Variants in LRATD1 observed in about 807,000 individuals in gnomAD.
LRATD1 encodes LRAT domain containing 1, also known as protein LRATD1.
In LRATD1, 8 loss-of-function variants were observed where a neutral mutation model predicts 21.3. The observed-to-expected ratio is 0.38, with a 90% CI of 0.22 to 0.68. LRATD1 has a LOEUF of 0.68. Among genes scored for constraint, LRATD1 ranks in the 30% least tolerant of loss-of-function variants. The pLI is 0.54. For missense variants in LRATD1, 380 were observed against 404.0 expected, an observed-to-expected ratio of 0.94 and a Z score of 0.51; for synonymous variants, 210 against 186.2, an observed-to-expected ratio of 1.13 and a Z score of -1.04.
chr2:14,634,798 C>G lies in LRATD1; in HGVS notation c.819C>G (p.Asp273Glu), dbSNP rs1235053312. ...TCATCCGCGAGAAGCGCCGTATCGA[C>G]GCCAGCGGCCGCCTGCGAGTGCTCC... ...EDLIREKRRI[D>E]ASGRLRVLQE... The change falls in exon 2 of 2, where the codon GAC (aspartate) becomes GAG (glutamate). Residue 273 changes from aspartate (D) to glutamate (E), a missense_variant. Asp to Glu is a conservative substitution (Grantham distance 45). Transcript: ENST00000295092. The G allele has an allele frequency of 1.2e-6, 2 of 1,605,996 alleles. No homozygotes were observed. Among genetic ancestry groups the G allele is most frequent in the Non-Finnish European group, 1.7e-6 (2 of 1,175,468 alleles).
Position 14,647,102 on chromosome 2 carries a change from C to A in LRATD1, n.436+637C>A, listed in dbSNP as rs537705478. 6.8e-4 allele frequency among the ~76,000 whole-genome samples: 103 copies of A among 152,226 alleles called. 1 individual carries two copies. The highest frequency in any genetic ancestry group is 1.3e-3 in the Non-Finnish European group (86 of 68,034). ...TTTAACAGGAGACTATGAACCCTAA[C>A]TCACAATGTTAGGATGAAGCTGACT... On this transcript the variant is annotated intron_variant and non_coding_transcript_variant, in intron 4 of 5. Coordinates refer to the LRATD1 transcript ENST00000464947.
Position 14,633,904 on chromosome 2 carries a change from C to A in LRATD1, c.-36-40C>A. ...GGGAGGGACACCGAAAGGGGCAGCC[C>A]GGACTCTGACGGTGTCTCTGCCTCT... On this transcript the variant is annotated intron_variant, in intron 1 of 1. Coordinates refer to ENST00000295092, the MANE Select transcript of LRATD1 (RefSeq NM_145175.4). This position sits in a 1 kb window ranked among gnomAD's most constrained non-coding sequence, Gnocchi z 7.5. 1 of 1,523,016 alleles carries A rather than the reference C, an allele frequency of 6.6e-7. No homozygotes were observed. The highest frequency in any genetic ancestry group is 8.9e-7 in the Non-Finnish European group (1 of 1,128,068). 94.3% of individuals were successfully genotyped at this position (1,523,016 alleles called of 1,614,324 possible).
At chr2:14,649,558 C>T (rs1393034712) in exon 6 of LRATD1, 5 of 346,846 alleles carry the variant, frequency 1.4e-5, no homozygotes, top group African/African-American at 1.1e-4. Context: ...AGCACGGGAG[C>T]ATAGGCTAAT....
At position 14,635,353 on chromosome 2, in the gene LRATD1, C is replaced by A. The variant is rs566255791; in HGVS notation, c.*495C>A. Reference sequence around the variant, plus strand: ...CCTCTGTGGATGCGTCCCCAGATCGCAGGATTTCCAAGAAATCGAGCCTGT... The same window carrying A: ...CCTCTGTGGATGCGTCCCCAGATCGAAGGATTTCCAAGAAATCGAGCCTGT... On this transcript the variant is annotated 3_prime_UTR_variant, in exon 2 of 2. Transcript: ENST00000295092. The A allele has an allele frequency of 4.2e-6, 2 of 475,726 alleles. No homozygotes were observed. The highest frequency in any genetic ancestry group is 3.1e-5 in the South Asian group (2 of 64,620). The allele number at this position is 475,726 out of a possible 1,614,324, so 29.5% of individuals were successfully genotyped here.
At position 14,638,786 on chromosome 2, in the gene LRATD1, GA is replaced by G. The variant is rs973461569; in HGVS notation, c.*3930del. The G allele has an allele frequency of 6.0e-6, 1 of 166,960 alleles. No homozygotes were observed. The highest frequency in any genetic ancestry group is 2.4e-5 in the African/African-American group (1 of 41,438). 10.3% of individuals were successfully genotyped at this position (166,960 alleles called of 1,614,324 possible). On this transcript the variant is annotated 3_prime_UTR_variant, in exon 2 of 2. Coordinates refer to ENST00000295092, the MANE Select transcript of LRATD1 (RefSeq NM_145175.4). ...CTTCTCTTTTTTGAACAAATGAAGA[GA>G]ATCCAGTTAGTTTTTGCCTTTCAGA... is the stretch of plus-strand genomic sequence containing the variant.
At chr2:14,643,735 A>C (rs1473408548), downstream of LRATD1, among the ~76,000 whole-genome samples, 3 of 152,166 alleles carry the variant, frequency 2.0e-5, no homozygotes, top group Non-Finnish European at 1.5e-5. Flanking sequence ...GGCCAAATTC[A>C]TCCTCTCCCA....
downstream of LRATD1, among the ~76,000 whole-genome samples, chr2:14,643,361 G>C (rs1323245094): frequency 6.6e-6 from 1 of 152,186 alleles, no homozygotes; most frequent in African/African-American, 2.4e-5. Context: ...CAGCCTTTAA[G>C]GACTTTCCAT....
chr2:14,644,888 T>C (rs1671869298), downstream of LRATD1, among the ~76,000 whole-genome samples: 2 of 152,204 alleles, frequency 1.3e-5, no homozygotes, highest in Admixed American at 1.3e-4. Flanking sequence ...GTGCAGAATG[T>C]TGCAGGACCA....
At chr2:14,642,063 A>G (rs1320990446), downstream of LRATD1, 1 of 152,394 alleles carries the variant, frequency 6.6e-6, no homozygotes, top group Non-Finnish European at 1.5e-5. Context: ...TATTCACTCA[A>G]TGGAGGAACT....
At position 14,634,788 on chromosome 2, in the gene LRATD1, G is replaced by A. The variant is rs145966184; in HGVS notation, c.809G>A (p.Arg270His). The change falls in exon 2 of 2, where the codon CGC (arginine) becomes CAC (histidine). Residue 270 changes from arginine (R) to histidine (H), a missense_variant. Transcript: ENST00000295092. ...HSLEDLIREK[R>H]RIDASGRLRV... ...CTGGAAGACCTCATCCGCGAGAAGC[G>A]CCGTATCGACGCCAGCGGCCGCCTG... is the stretch of plus-strand genomic sequence containing the variant. The A allele has an allele frequency of 1.7e-4, 278 of 1,603,264 alleles. No individual in the cohort carries two copies. The highest frequency in any genetic ancestry group is 2.2e-4 in the Non-Finnish European group (261 of 1,174,100).
At position 14,635,204 on chromosome 2, in the gene LRATD1, T is replaced by C. The variant is rs1448149816; in HGVS notation, c.*346T>C. 3.4e-6 allele frequency: 2 copies of C among 591,632 alleles called. No homozygotes were observed. The highest frequency in any genetic ancestry group is 6.6e-6 in the Non-Finnish European group (2 of 304,752). The allele number at this position is 591,632 out of a possible 1,614,324, so 36.6% of individuals were successfully genotyped here. On this transcript the variant is annotated 3_prime_UTR_variant, in exon 2 of 2. Transcript: ENST00000295092. ...GGACATGGCCTTCCCCGCGAGTCCA[T>C]GGCCAGTGACTGTGGCCCGACTCGA...
rs1330222146 is a variant in LRATD1 at position 14,638,320 on chromosome 2, T to C, written c.*3462T>C. ...CAATATTTAATAATGTAAGCTGTTG[T>C]CATGACAGTATTTTTTAAAAATAAT... On this transcript the variant is annotated 3_prime_UTR_variant, in exon 2 of 2. Coordinates refer to ENST00000295092, the MANE Select transcript of LRATD1 (RefSeq NM_145175.4). 6.0e-6 allele frequency: 1 copy of C among 166,954 alleles called. No individual in the cohort carries two copies. The allele number at this position is 166,954 out of a possible 1,614,324, so 10.3% of individuals were successfully genotyped here.
At chr2:14,643,607 T>C (rs1257174995), downstream of LRATD1, among the ~76,000 whole-genome samples, 2 of 152,242 alleles carry the variant, frequency 1.3e-5, no homozygotes, top group Non-Finnish European at 2.9e-5. Context: ...TCTCCTCTAC[T>C]TGGCACATGT....
At chr2:14,645,307 G>A (rs898610995) in intron 2 of LRATD1, among the ~76,000 whole-genome samples, 5 of 152,082 alleles carry the variant, frequency 3.3e-5, no homozygotes, top group Non-Finnish European at 7.4e-5. Flanking sequence ...ACTTTAAGAA[G>A]GAGAAATTCC....
downstream of LRATD1, chr2:14,650,939 T>G (rs1049187632): frequency 1.3e-5 from 2 of 152,166 alleles, no homozygotes; most frequent in African/African-American, 2.4e-5. Flanking sequence ...ACACACACTG[T>G]TTTGCAAAAA....
Position 14,648,426 on chromosome 2 carries a change from CAT to C in LRATD1, n.437-888_437-887del, listed in dbSNP as rs1317338160. The stretch of plus-strand genomic sequence containing the variant: ...CAAATCACAAAACTATTACCTGTCA[CAT>C]AGTGATGCTTTTTGTAAAAGGAACT... On this transcript the variant is annotated intron_variant and non_coding_transcript_variant, in intron 4 of 5. Coordinates refer to the LRATD1 transcript ENST00000464947. Among the ~76,000 whole-genome samples the C allele has an allele frequency of 5.9e-5, 9 of 152,258 alleles. No homozygotes were observed. In the East Asian group the frequency reaches 1.7e-3, roughly 29 times the overall value.
At chr2:14,641,076 G>A (rs78329313), downstream of LRATD1, among the ~76,000 whole-genome samples, 10,528 of 152,200 alleles carry the variant, frequency 0.069, 477 homozygotes, top group Middle Eastern at 0.11. Flanking sequence ...AAATTCAAAT[G>A]TAAGTGCATG....
chr2:14,635,471 C>T lies in LRATD1; in HGVS notation c.*613C>T, dbSNP rs776687689. On this transcript the variant is annotated 3_prime_UTR_variant, in exon 2 of 2. Transcript: ENST00000295092. ...CGGGACTTTTCCAGCTCTCCAGCCC[C>T]AGGTCTCCTGACATTGTGTTCCAGG... is the stretch of plus-strand genomic sequence containing the variant. 15 of 471,150 alleles carry T rather than the reference C, an allele frequency of 3.2e-5. No individual in the cohort carries two copies. Among genetic ancestry groups the T allele is most frequent in the Non-Finnish European group, 4.4e-6 (1 of 227,110 alleles). 29.2% of individuals were successfully genotyped at this position (471,150 alleles called of 1,614,324 possible).
chr2:14,633,647 C>T lies in LRATD1; in HGVS notation c.-36-297C>T. The T allele has an allele frequency of 3.0e-6, 1 of 328,890 alleles. No homozygotes were observed. The highest frequency in any genetic ancestry group is 5.7e-6 in the Non-Finnish European group (1 of 176,368). 20.4% of individuals were successfully genotyped at this position (328,890 alleles called of 1,614,324 possible). ...CACTGCCACAGCCAGCACTCTCCTC[C>T]CCACCGGGACCCCGCAAGCTCTCCA... On this transcript the variant is annotated intron_variant, in intron 1 of 1. Transcript: ENST00000295092. The surrounding 1 kb of genome is among the most constrained non-coding windows in gnomAD (Gnocchi z 7.5).
Sources: gnomAD v4.1 joint callset for allele counts (sites outside exome capture counted in the v4.1 genomes callset) on GRCh38, gnomAD v4.1.1 for gene constraint, Gnocchi (gnomAD v3.1) non-coding constraint, MANE v1.5 for transcripts, NCBI Gene and HGNC (gene_info 2026-07-23, HGNC 2026-07-21) for gene names.